ZC3HC1: variants seen among roughly 807,000 people sequenced by gnomAD.
ZC3HC1 encodes zinc finger C3HC-type protein 1.
ZC3HC1 carries 38 observed loss-of-function variants against 61.9 expected under a neutral mutation model. That is an observed-to-expected ratio of 0.61 (90% confidence interval 0.47 to 0.81). ZC3HC1 has a LOEUF of 0.81. Among genes scored for constraint, ZC3HC1 ranks in the 30% least tolerant of loss-of-function variants. ZC3HC1 has a pLI of 0.00. For missense variants in ZC3HC1, 554 were observed against 622.7 expected, an observed-to-expected ratio of 0.89 and a Z score of 1.17; for synonymous variants, 213 against 229.9, an observed-to-expected ratio of 0.93 and a Z score of 0.67.
At chr7:130,028,862 A>G in intron 5 of ZC3HC1, 40 bp downstream of exon 5, 3 of 1,596,940 alleles carry the variant, frequency 1.9e-6, no homozygotes, top group South Asian at 1.1e-5. Context: ...AATGCTGGCA[A>G]CAACTGGAGG....
At chr7:130,035,006 T>G (rs1457197326) in intron 4 of ZC3HC1, among the ~76,000 whole-genome samples, 1 of 152,206 alleles carries the variant, frequency 6.6e-6, no homozygotes, top group African/African-American at 2.4e-5. Flanking sequence ...ACAGGGACAC[T>G]GTGAGCCAGC....
chr7:130,026,365 T>G lies in ZC3HC1; in HGVS notation c.622-53A>C, dbSNP rs540790907. The G allele has an allele frequency of 4.4e-6, 7 of 1,575,156 alleles. No individual in the cohort carries two copies. In the South Asian group the frequency reaches 6.8e-5, roughly 15 times the overall value. ...GTTTCAACCACCATAAAAAGAAAAA[T>G]TACACATTATAACATACCTAGATGG... On this transcript the variant is annotated intron_variant, in intron 5 of 9. Coordinates refer to ENST00000358303, the MANE Select transcript of ZC3HC1 (RefSeq NM_016478.5).
intron 3 of ZC3HC1, among the ~76,000 whole-genome samples, chr7:130,040,681 C>T (rs560044148): frequency 2.4e-4 from 37 of 151,056 alleles, no homozygotes; most frequent in African/African-American, 5.3e-4. Context: ...AGTGGCACTG[C>T]GCCTGTAGTC....
intron 4 of ZC3HC1, among the ~76,000 whole-genome samples, chr7:130,035,487 GC>G (rs368600009): frequency 7.1e-4 from 108 of 151,456 alleles, no homozygotes; most frequent in Admixed American, 2.2e-3. Flanking sequence ...GTTGCAGTGA[GC>G]CCTGTGAAAC....
At chr7:130,026,965 G>A (rs1219592992) in intron 5 of ZC3HC1, 6 of 127,254 alleles carry the variant, frequency 4.7e-5, no homozygotes, top group African/African-American at 1.5e-4. Context: ...GCAAGACTCC[G>A]TATCAAAAAA....
chr7:130,031,033 G>A (rs1386047480), intron 4 of ZC3HC1, among the ~76,000 whole-genome samples: 1 of 151,038 alleles, frequency 6.6e-6, no homozygotes, highest in Non-Finnish European at 1.5e-5. Flanking sequence ...TGGTAGCCTT[G>A]AAAACCGACA....
At chr7:130,047,687 G>A (rs1436523713) in intron 2 of ZC3HC1, among the ~76,000 whole-genome samples, 1 of 151,024 alleles carries the variant, frequency 6.6e-6, no homozygotes, top group Non-Finnish European at 1.5e-5. Flanking sequence ...ACGGGTAGGG[G>A]TGCAAACTTG....
Position 130,045,410 on chromosome 7 carries a change from C to T in ZC3HC1, c.258+3623G>A. The T allele has an allele frequency of 4.4e-6, 2 of 449,598 alleles. 1 individual carries two copies. Among genetic ancestry groups the T allele is most frequent in the South Asian group, 3.2e-5 (2 of 63,478 alleles). 27.9% of individuals were successfully genotyped at this position (449,598 alleles called of 1,614,324 possible). On this transcript the variant is annotated intron_variant, in intron 2 of 9. Coordinates refer to ENST00000358303, the MANE Select transcript of ZC3HC1 (RefSeq NM_016478.5). ...ACATTTCTTCCGCCTTCAGTCTCTG[C>T]TCCTTTCACAGAGCTACCCATCAGT...
chr7:130,041,131 AAT>A (rs375888799), intron 2 of ZC3HC1, 30 bp from the exon 3 acceptor site: 22,294 of 1,292,428 alleles, frequency 0.017, 64 homozygotes, highest in Non-Finnish European at 0.018. Context: ...CAACACAGCA[AAT>A]ATATATATAT....
At chr7:130,030,346 C>T (rs921583297) in intron 4 of ZC3HC1, among the ~76,000 whole-genome samples, 1 of 151,856 alleles carries the variant, frequency 6.6e-6, no homozygotes, top group African/African-American at 2.4e-5. Flanking sequence ...ATTACAGGTG[C>T]CTGACACCAC....
At chr7:130,051,094 A>C in intron 1 of ZC3HC1, 127 bp downstream of exon 1, 2 of 1,266,538 alleles carry the variant, frequency 1.6e-6, no homozygotes, top group Admixed American at 5.5e-5. Flanking sequence ...AGTTTCTTTC[A>C]GATTCTAAGA....
intron 1 of ZC3HC1, among the ~76,000 whole-genome samples, chr7:130,050,926 A>C (rs1033845646): frequency 6.6e-6 from 1 of 152,242 alleles, no homozygotes; most frequent in Admixed American, 6.5e-5. Context: ...GCACAAAAAA[A>C]GGTTAAGAAT....
At position 130,018,457 on chromosome 7, in the gene ZC3HC1, A is replaced by C. The variant is rs1793468492; in HGVS notation, c.*207T>G. 1.9e-6 allele frequency: 1 copy of C among 538,034 alleles called. No homozygotes were observed. The highest frequency in any genetic ancestry group is 3.4e-4 in the Middle Eastern group (1 of 2,932). 33.3% of individuals were successfully genotyped at this position (538,034 alleles called of 1,614,324 possible). ...TAACAGAACCATGCTTGCTGCCCTT[A>C]CCCTGTCCACATCCCTGAAAGGAAA... On this transcript the variant is annotated 3_prime_UTR_variant, in exon 10 of 10. Transcript: ENST00000358303.
intron 2 of ZC3HC1, among the ~76,000 whole-genome samples, chr7:130,042,073 C>A (rs761434896): frequency 6.6e-6 from 1 of 151,906 alleles, no homozygotes; most frequent in Non-Finnish European, 1.5e-5. Context: ...GAGGCTGAAG[C>A]GGGAGGATCA....
chr7:130,048,908 T>A, intron 2 of ZC3HC1, 125 bp downstream of exon 2: 1 of 635,852 alleles, frequency 1.6e-6, no homozygotes, highest in Non-Finnish European at 2.4e-6. Flanking sequence ...ATGCTGACTT[T>A]CCTATATAAT....
chr7:130,034,785 C>T (rs1025164371), intron 4 of ZC3HC1, among the ~76,000 whole-genome samples: 1 of 152,142 alleles, frequency 6.6e-6, no homozygotes, highest in Non-Finnish European at 1.5e-5. Flanking sequence ...GACTCCATGC[C>T]TGGCTGGGGT....
In ZC3HC1 at chr7:130,032,725, G is replaced by C. The variant is rs563494066; in HGVS notation, c.494-3696C>G. Among the ~76,000 whole-genome samples, 330 of 119,784 alleles carry C rather than the reference G, an allele frequency of 2.8e-3. 5 individuals are homozygous for C. Among genetic ancestry groups the C allele is most frequent in the African/African-American group, 9.3e-3 (308 of 33,286 alleles). 78.6% of individuals were successfully genotyped at this position (119,784 alleles called of 152,430 possible). A position where few individuals can be genotyped will look rare whatever the true frequency, so the allele number is the denominator to read the frequency against. On this transcript the variant is annotated intron_variant, in intron 4 of 9. Transcript: ENST00000358303. ...AGGAAGGAAGGAAGGAAGGGAAGGA[G>C]GGAGGGAGGGAGGGACAGTAAGAGG...
rs779826718 is a variant in ZC3HC1, at chr7:130,024,452, C to G, written c.831G>C (p.Arg277Ser). Residue 277 changes from arginine to serine, a missense_variant, in exon 7 of 10, where the codon AGG (arginine) becomes AGC (serine). Physicochemically the swap from Arg to Ser is moderately radical, Grantham distance 110. Coordinates refer to ENST00000358303, the MANE Select transcript of ZC3HC1 (RefSeq NM_016478.5). Reference sequence around the variant, plus strand: ...GCTGGAAGCCCCAGAGCCCCACCTTCCTCATACATTGCGAACATGTTATCA... The same window carrying G: ...GCTGGAAGCCCCAGAGCCCCACCTTGCTCATACATTGCGAACATGTTATCA... ...LSLITCSQCM[R>S]KVGLWGFQQI... The G allele has an allele frequency of 1.2e-6, 2 of 1,614,000 alleles. No homozygotes were observed.
intron 4 of ZC3HC1, among the ~76,000 whole-genome samples, chr7:130,033,131 T>C (rs900934079): frequency 2.6e-5 from 4 of 152,016 alleles, no homozygotes; most frequent in Non-Finnish European, 4.4e-5. Flanking sequence ...CTCCCAAGCT[T>C]ACGCGATCTT....
Sources: allele counts gnomAD v4.1 joint callset (sites outside exome capture counted in the v4.1 genomes callset), GRCh38; gene constraint gnomAD v4.1.1; transcripts MANE v1.5; gene names NCBI Gene and HGNC (gene_info 2026-07-23, HGNC 2026-07-21).